EIF2AK4: variants seen among roughly 807,000 people sequenced by gnomAD.
EIF2AK4 encodes eIF-2-alpha kinase GCN2.
A neutral mutation model predicts 211.1 loss-of-function variants in EIF2AK4; 139 were observed. The observed-to-expected ratio is 0.66, with a 90% confidence interval of 0.57 to 0.76. EIF2AK4 has a LOEUF of 0.76. Among genes scored for constraint, EIF2AK4 ranks in the 30% least tolerant of loss-of-function variants. The pLI is 0.00. For missense variants in EIF2AK4, 1,664 were observed against 2,043.8 expected (o/e 0.81, Z 3.58); for synonymous variants, 710 against 751.3 (o/e 0.94, Z 0.90).
At chr15:39,952,104 G>T (rs2034326126) in intron 4 of EIF2AK4, among the ~76,000 whole-genome samples, 1 of 152,012 alleles carries the variant, frequency 6.6e-6, no homozygotes, top group Non-Finnish European at 1.5e-5. Flanking sequence ...TCTTACAGAA[G>T]ATGTACAGAA....
chr15:39,993,535 G>A (rs1252417117), intron 18 of EIF2AK4, among the ~76,000 whole-genome samples: 1 of 152,184 alleles, frequency 6.6e-6, no homozygotes, highest in Non-Finnish European at 1.5e-5. Context: ...GAGGGAGATG[G>A]TAAGGAGCAG....
chr15:40,002,791 A>G lies in EIF2AK4; in HGVS notation c.3235+3A>G. 2 of 1,614,102 alleles carry G rather than the reference A, an allele frequency of 1.2e-6. No homozygotes were observed. The highest frequency in any genetic ancestry group is 1.1e-5 in the South Asian group (1 of 91,066). The stretch of plus-strand genomic sequence containing the variant: ...CATCCGCATCTTTAAAAGACATGGT[A>G]TGTACGCCCTTTTTAAAAATGATAT... On this transcript the variant is annotated splice_donor_region_variant and intron_variant, in intron 22 of 38. Coordinates refer to ENST00000263791, the MANE Select transcript of EIF2AK4 (RefSeq NM_001013703.4).
In EIF2AK4 at chr15:40,014,218, C is replaced by T. The variant is rs1013409238; in HGVS notation, c.3760-2284C>T. Among the ~76,000 whole-genome samples, 4 of 152,238 alleles carry T rather than the reference C, an allele frequency of 2.6e-5. 2 individuals carry two copies. Among genetic ancestry groups the T allele is most frequent in the Admixed American group, 2.6e-4 (4 of 15,290 alleles). On this transcript the variant is annotated intron_variant, in intron 27 of 38. Transcript: ENST00000263791. ...TGTGGCTTTGCAGGGTACAGCCTCC[C>T]TCCTGGATGCTTCCATGGACTAGCA...
intron 29 of EIF2AK4, 83 bp downstream of exon 29, chr15:40,017,325 C>A (rs1202401963): frequency 1.3e-6 from 2 of 1,481,594 alleles, no homozygotes; most frequent in Admixed American, 4.2e-5. Context: ...CAAACTAACA[C>A]CAAAAATTTG....
chr15:39,976,905 T>G (rs1343958978), intron 12 of EIF2AK4, 61 bp downstream of exon 12: 52 of 1,413,506 alleles, frequency 3.7e-5, no homozygotes, highest in Non-Finnish European at 4.8e-5. Context: ...TTCTTTATTT[T>G]TTTTTCCTTT....
chr15:40,031,676 C>T (rs2035544896), intron 35 of EIF2AK4, among the ~76,000 whole-genome samples: 1 of 152,152 alleles, frequency 6.6e-6, no homozygotes, highest in Admixed American at 6.5e-5. Context: ...AACCTCATTT[C>T]CCCTGAGATC....
intron 6 of EIF2AK4, among the ~76,000 whole-genome samples, chr15:39,958,344 A>G (rs1186039321): frequency 1.3e-5 from 2 of 152,250 alleles, no homozygotes; most frequent in Admixed American, 1.3e-4. Flanking sequence ...TCTAGAATAT[A>G]TCACCTATTT....
intron 4 of EIF2AK4, among the ~76,000 whole-genome samples, chr15:39,952,819 G>A (rs756887899): frequency 6.6e-6 from 1 of 151,742 alleles, no homozygotes; most frequent in African/African-American, 2.4e-5. Flanking sequence ...GTTATTGTTG[G>A]GAGTTTGTAG....
chr15:39,978,014 T>G, intron 12 of EIF2AK4, 64 bp from the exon 13 acceptor site: 1 of 1,196,738 alleles, frequency 8.4e-7, no homozygotes, highest in Non-Finnish European at 1.2e-6. Context: ...TATTTAAAAA[T>G]GTCCATGTTT....
intron 13 of EIF2AK4, among the ~76,000 whole-genome samples, chr15:39,983,147 T>G (rs1164792751): frequency 6.6e-6 from 1 of 152,232 alleles, no homozygotes; most frequent in East Asian, 1.9e-4. Context: ...GTTGAACTAA[T>G]TTACACTCCC....
chr15:40,007,978 T>C, intron 24 of EIF2AK4, 49 bp from the exon 25 acceptor site: 1 of 1,354,614 alleles, frequency 7.4e-7, no homozygotes, highest in East Asian at 2.7e-5. Flanking sequence ...CTTATACATA[T>C]TTCTTTCTAG....
At chr15:39,996,701 A>G (rs2035023042) in intron 18 of EIF2AK4, among the ~76,000 whole-genome samples, 1 of 152,078 alleles carries the variant, frequency 6.6e-6, no homozygotes, top group East Asian at 1.9e-4. Flanking sequence ...ACAGAGTGAG[A>G]CTCTGCCTCA....
intron 34 of EIF2AK4, among the ~76,000 whole-genome samples, chr15:40,029,736 AT>A (rs527612077): frequency 6.3e-4 from 96 of 152,328 alleles, no homozygotes; most frequent in Middle Eastern, 3.4e-3. Flanking sequence ...TACAAGTGAA[AT>A]GTGTATAATT....
At position 40,011,283 on chromosome 15, in the gene EIF2AK4, A is replaced by G. The variant is rs370262784; in HGVS notation, c.3696A>G (p.Thr1232=). 256 of 1,613,848 alleles carry G rather than the reference A, an allele frequency of 1.6e-4. 5 individuals are homozygous for G. Among genetic ancestry groups the G allele is most frequent in the South Asian group, 1.1e-3 (101 of 91,014 alleles). ...GTTACCTTTTTCTTCCACGTTAGAC[A>G]GAGAAGCTGACGAGGAGAGAAGTGG... ...QVYIILYDAV[T]EKLTRREVEA... The change falls in exon 27 of 39, where the codon ACA becomes ACG. Residue 1232 remains threonine (T), a splice_region_variant and synonymous_variant. Transcript: ENST00000263791.
chr15:40,034,969 C>T, intron 38 of EIF2AK4, 58 bp from the exon 39 acceptor site: 1 of 1,370,422 alleles, frequency 7.3e-7, no homozygotes. Flanking sequence ...AATTTATTAG[C>T]TCTGTTCTTC....
intron 17 of EIF2AK4, chr15:39,992,548 C>T: frequency 1.7e-6 from 1 of 585,816 alleles, no homozygotes; most frequent in South Asian, 2.1e-5. Context: ...TGGCACTGTC[C>T]CTCCTCTTCA....
chr15:39,967,206 A>G, intron 8 of EIF2AK4, 138 bp from the exon 9 acceptor site: 7 of 953,130 alleles, frequency 7.3e-6, no homozygotes, highest in South Asian at 3.8e-5. Flanking sequence ...TATATTTTCT[A>G]TCAAATACTT....
At chr15:39,983,153 C>T (rs975917689) in intron 13 of EIF2AK4, among the ~76,000 whole-genome samples, 2 of 152,226 alleles carry the variant, frequency 1.3e-5, no homozygotes, top group African/African-American at 4.8e-5. Context: ...CTAATTTACA[C>T]TCCCACCAGT....
At chr15:39,937,990 T>C (rs1463251077) in intron 1 of EIF2AK4, among the ~76,000 whole-genome samples, 1 of 152,246 alleles carries the variant, frequency 6.6e-6, no homozygotes. Context: ...TTGGCTTGTC[T>C]CAGCTTCAAT....
Sources: allele counts gnomAD v4.1 joint callset (sites outside exome capture counted in the v4.1 genomes callset), GRCh38; gene constraint gnomAD v4.1.1; transcripts MANE v1.5; gene names NCBI Gene and HGNC (gene_info 2026-07-23, HGNC 2026-07-21).